TMEM117: variants seen among roughly 807,000 people sequenced by gnomAD.
TMEM117 encodes the protein transmembrane protein 117.
Under a neutral mutation model 52.4 loss-of-function variants are expected in TMEM117, and 27 were observed. The ratio of observed to expected loss-of-function variants is 0.51; its 90% CI spans 0.38 to 0.71. The LOEUF (loss-of-function observed/expected upper bound fraction) is 0.71, where lower values mean the gene tolerates loss of function less well. Among genes scored for constraint, TMEM117 ranks in the 30% least tolerant of loss-of-function variants. The probability of loss-of-function intolerance (pLI) is 0.00; values close to 1 mark genes in which losing one functional copy is unlikely to be tolerated. For synonymous variants in TMEM117, 215 were observed against 206.3 expected, an observed-to-expected ratio of 1.04 and a Z score of -0.36; for missense variants, 556 against 630.5, an observed-to-expected ratio of 0.88 and a Z score of 1.26.
intron 5 of TMEM117, among the ~76,000 whole-genome samples, chr12:44,271,346 T>C (rs1265294909): frequency 6.6e-6 from 1 of 152,064 alleles, no homozygotes; most frequent in Non-Finnish European, 1.5e-5. Context: ...ATTAAGAAAT[T>C]AGGCCTGAGA....
At chr12:43,808,621 A>G in the TMEM117 span, among the ~76,000 whole-genome samples, 1 of 152,048 alleles carries the variant, frequency 6.6e-6, no homozygotes, top group African/African-American at 2.4e-5. Context: ...AGACTGTGGC[A>G]ATGAGAGGGA....
At chr12:43,796,952 A>C in the TMEM117 span, 3 of 1,603,356 alleles carry the variant, frequency 1.9e-6, no homozygotes, top group Admixed American at 1.7e-5. Flanking sequence ...GCAAAAACTG[A>C]AGATTTTAAA....
chr12:43,904,698 A>G (rs913661609), intron 2 of TMEM117, among the ~76,000 whole-genome samples: 3 of 152,190 alleles, frequency 2.0e-5, no homozygotes, highest in African/African-American at 7.2e-5. Flanking sequence ...GGTCCTAAAC[A>G]TTTACATCTG....
the TMEM117 span, among the ~76,000 whole-genome samples, chr12:44,396,608 A>G: frequency 6.6e-6 from 1 of 152,032 alleles, no homozygotes; most frequent in African/African-American, 2.4e-5. Context: ...AATCCCAGCA[A>G]TTTGGGAGGC....
intron 5 of TMEM117, among the ~76,000 whole-genome samples, chr12:44,297,816 A>AAAAGC (rs1950787411): frequency 6.6e-6 from 1 of 152,202 alleles, no homozygotes; most frequent in South Asian, 2.1e-4. Context: ...AATTTTGCTT[A>AAAAGC]AATCCCACTA....
chr12:43,963,745 A>C (rs934489480), intron 3 of TMEM117, among the ~76,000 whole-genome samples: 5 of 152,186 alleles, frequency 3.3e-5, no homozygotes, highest in Non-Finnish European at 7.3e-5. Flanking sequence ...AGTCATTAAG[A>C]TTGTCATTTG....
chr12:44,315,902 T>A (rs1390021953), intron 6 of TMEM117, among the ~76,000 whole-genome samples: 2 of 152,184 alleles, frequency 1.3e-5, no homozygotes, highest in Non-Finnish European at 2.9e-5. Context: ...CCCCTGTTCT[T>A]TTTTGTTTTC....
chr12:43,906,008 C>T (rs1944380252), intron 2 of TMEM117, among the ~76,000 whole-genome samples: 1 of 152,188 alleles, frequency 6.6e-6, no homozygotes, highest in Admixed American at 6.5e-5. Context: ...TACCAGCATG[C>T]TAAACATACA....
At chr12:44,293,416 G>A (rs1327392023) in intron 5 of TMEM117, among the ~76,000 whole-genome samples, 4 of 151,914 alleles carry the variant, frequency 2.6e-5, no homozygotes, top group Admixed American at 6.6e-5. Context: ...AATGTAATCC[G>A]TTTACATTTA....
intron 3 of TMEM117, among the ~76,000 whole-genome samples, chr12:44,025,815 G>C (rs2137848849): frequency 6.6e-6 from 1 of 152,248 alleles, no homozygotes; most frequent in African/African-American, 2.4e-5. Flanking sequence ...ATATGTGATA[G>C]AACTCCAAAT....
upstream of TMEM117, among the ~76,000 whole-genome samples, chr12:43,831,909 C>T (rs1485960991): frequency 6.6e-6 from 1 of 152,132 alleles, no homozygotes; most frequent in African/African-American, 2.4e-5. Context: ...AAACAACACA[C>T]ATTTTAAGCC....
intron 3 of TMEM117, among the ~76,000 whole-genome samples, chr12:43,989,284 A>G (rs1400701083): frequency 6.6e-6 from 1 of 152,106 alleles, no homozygotes; most frequent in African/African-American, 2.4e-5. Context: ...TGTTTATATT[A>G]TTCATTGCTT....
chr12:43,935,146 C>A (rs987458122), intron 2 of TMEM117, among the ~76,000 whole-genome samples: 1 of 152,126 alleles, frequency 6.6e-6, no homozygotes, highest in African/African-American at 2.4e-5. Context: ...GTAGCTGGGA[C>A]TACAGGTGCT....
chr12:44,354,616 C>A (rs145868797), intron 6 of TMEM117, among the ~76,000 whole-genome samples: 1 of 151,768 alleles, frequency 6.6e-6, no homozygotes, highest in African/African-American at 2.4e-5. Context: ...CAAAATTCAA[C>A]AACCCTTCAT....
intron 5 of TMEM117, among the ~76,000 whole-genome samples, chr12:44,281,915 G>A (rs1427842903): frequency 6.6e-6 from 1 of 152,136 alleles, no homozygotes; most frequent in East Asian, 1.9e-4. Flanking sequence ...TTTCTGTTAT[G>A]ATTTGGCTGT....
At chr12:44,331,113 A>C (rs1488291225) in intron 6 of TMEM117, among the ~76,000 whole-genome samples, 1 of 151,928 alleles carries the variant, frequency 6.6e-6, no homozygotes, top group Non-Finnish European at 1.5e-5. Context: ...GTGACCACTG[A>C]ATATTTGATT....
intron 3 of TMEM117, among the ~76,000 whole-genome samples, chr12:44,028,444 C>T (rs977567324): frequency 6.6e-6 from 1 of 152,096 alleles, no homozygotes; most frequent in Non-Finnish European, 1.5e-5. Context: ...CTAAGTCACA[C>T]GATGAGATCA....
chr12:44,013,460 G>A (rs1946327172), intron 3 of TMEM117, among the ~76,000 whole-genome samples: 2 of 152,158 alleles, frequency 1.3e-5, no homozygotes, highest in South Asian at 4.1e-4. Flanking sequence ...CCCCCAGGTA[G>A]GTTAGGCTCT....
At chr12:43,997,393 A>T (rs959169877) in intron 3 of TMEM117, among the ~76,000 whole-genome samples, 4 of 152,180 alleles carry the variant, frequency 2.6e-5, no homozygotes, top group Non-Finnish European at 4.4e-5. Context: ...AATAAGAAAC[A>T]ATAAGGAGAT....
Sources: allele counts gnomAD v4.1 joint callset (sites outside exome capture counted in the v4.1 genomes callset), GRCh38; gene constraint gnomAD v4.1.1; transcripts MANE v1.5; gene names NCBI Gene and HGNC (gene_info 2026-07-23, HGNC 2026-07-21).